OSBPL10: variants seen among roughly 807,000 people sequenced by gnomAD.
The protein encoded by OSBPL10 is oxysterol-binding protein-related protein 10.
OSBPL10 carries 49 observed loss-of-function variants against 81.7 expected under a neutral mutation model. The ratio of observed to expected loss-of-function variants is 0.60; its 90% CI spans 0.48 to 0.76. The LOEUF (loss-of-function observed/expected upper bound fraction) is 0.76. Ranked by LOEUF, OSBPL10 falls within the 30% of genes least tolerant of loss-of-function variation. The pLI is 0.00. For missense variants in OSBPL10, 923 were observed against 987.8 expected (o/e 0.93, Z 0.88); for synonymous variants, 419 against 383.6 (o/e 1.09, Z -1.08).
rs574946776 is a variant in OSBPL10, at chr3:31,836,993, G to A, written c.538-6762C>T. On this transcript the variant is annotated intron_variant, in intron 3 of 11. Transcript: ENST00000396556. ...TCCTTTTATAGATCTAAAGTCTACAGCTCCCAAAAGGTAAATGAATCATTC... is the reference window on the plus strand; with the variant it reads ...TCCTTTTATAGATCTAAAGTCTACAACTCCCAAAAGGTAAATGAATCATTC... 3.3e-5 allele frequency among the ~76,000 whole-genome samples: 5 copies of A among 152,114 alleles called. No individual in the cohort carries two copies. In the East Asian group the frequency reaches 9.7e-4, roughly 29 times the overall value.
chr3:31,751,550 T>C (rs535207435), intron 4 of OSBPL10, among the ~76,000 whole-genome samples: 2 of 152,310 alleles, frequency 1.3e-5, no homozygotes, highest in Admixed American at 6.5e-5. Context: ...GAGTGCTAAA[T>C]GTCTCTTGAA....
At chr3:31,758,635 T>C (rs1028981090) in intron 4 of OSBPL10, among the ~76,000 whole-genome samples, 2 of 152,214 alleles carry the variant, frequency 1.3e-5, no homozygotes, top group Non-Finnish European at 2.9e-5. Context: ...ATGGAGGATG[T>C]GCAGTGAGGG....
At chr3:31,989,895 C>T (rs1355285683) in intron 2 of OSBPL10, 3 of 1,614,148 alleles carry the variant, frequency 1.9e-6, no homozygotes, top group South Asian at 2.2e-5. Flanking sequence ...AGAAGCGATA[C>T]CTTGCATGCC....
intron 4 of OSBPL10, among the ~76,000 whole-genome samples, chr3:31,812,786 GAAAGAAAGAAAGAAAGAA>G (rs1699731448): frequency 2.2e-5 from 1 of 45,210 alleles, no homozygotes; most frequent in African/African-American, 1.0e-4. Context: ...AAGAAAGAAA[GAAAGAAAGAAAGAAAGAA>G]AGAAAGAAAG....
At chr3:31,746,920 C>T (rs1362534536) in intron 5 of OSBPL10, among the ~76,000 whole-genome samples, 1 of 152,050 alleles carries the variant, frequency 6.6e-6, no homozygotes, top group Non-Finnish European at 1.5e-5. Flanking sequence ...CACATGTATA[C>T]ATATGTAGCA....
intron 1 of OSBPL10, among the ~76,000 whole-genome samples, chr3:31,897,285 G>A (rs1209279970): frequency 2.0e-5 from 3 of 151,984 alleles, no homozygotes; most frequent in African/African-American, 7.3e-5. Context: ...GCACTCACAG[G>A]ACTGGTAGAA....
At chr3:31,918,198 G>A (rs1696810898) in intron 1 of OSBPL10, among the ~76,000 whole-genome samples, 1 of 152,018 alleles carries the variant, frequency 6.6e-6, no homozygotes, top group Non-Finnish European at 1.5e-5. Context: ...TAACCTTTAT[G>A]CCAGTATTTT....
At chr3:31,726,722 A>G (rs1490738314) in intron 6 of OSBPL10, among the ~76,000 whole-genome samples, 1 of 150,706 alleles carries the variant, frequency 6.6e-6, no homozygotes, top group Non-Finnish European at 1.5e-5. Flanking sequence ...AGTGACAAGC[A>G]TAAGGATAAA....
rs142840420 is a variant in OSBPL10 at position 31,907,619 on chromosome 3, C to CAAAAAAAAA, written c.282-27798_282-27790dup. 5.9e-4 allele frequency among the ~76,000 whole-genome samples: 38 copies of CAAAAAAAAA among 63,870 alleles called. 3 individuals carry two copies. The highest frequency in any genetic ancestry group is 1.5e-3 in the African/African-American group (21 of 14,444). The allele number at this position is 63,870 out of a possible 152,430, so 41.9% of individuals were successfully genotyped here. On this transcript the variant is annotated intron_variant, in intron 1 of 11. Coordinates refer to ENST00000396556, the MANE Select transcript of OSBPL10 (RefSeq NM_017784.5). ...TCCAGCCTGGGTGAGACCTCCATCTCAAAAAAAAAAAAAAAAAAAAAAAAA... is the reference window on the plus strand; with the variant it reads ...TCCAGCCTGGGTGAGACCTCCATCTCAAAAAAAAAAAAAAAAAAAAAAAAAAAAAAAAAA...
At chr3:31,830,373 C>T (rs1700210960) in intron 3 of OSBPL10, 142 bp from the exon 4 acceptor site, 9 of 804,216 alleles carry the variant, frequency 1.1e-5, no homozygotes, top group Non-Finnish European at 1.7e-5. Flanking sequence ...TATAACAACA[C>T]TGCATGCCCA....
intron 4 of OSBPL10, among the ~76,000 whole-genome samples, chr3:31,808,651 T>C (rs1699582700): frequency 6.6e-6 from 1 of 152,164 alleles, no homozygotes; most frequent in African/African-American, 2.4e-5. Context: ...AGAAAGAAAA[T>C]AGAATAATTA....
chr3:31,971,120 C>CG (rs1328766166), intron 1 of OSBPL10, among the ~76,000 whole-genome samples: 3 of 135,864 alleles, frequency 2.2e-5, no homozygotes, highest in East Asian at 3.0e-4. Flanking sequence ...TTTTTTTTTT[C>CG]TGTTTTTTTT....
intron 5 of OSBPL10, among the ~76,000 whole-genome samples, chr3:31,736,014 CT>C (rs1559440487): frequency 1.3e-5 from 2 of 151,986 alleles, no homozygotes; most frequent in African/African-American, 4.8e-5. Flanking sequence ...AGACAGAAAA[CT>C]TTAAGAAGAG....
chr3:31,876,236 G>C (rs992489840), intron 3 of OSBPL10, among the ~76,000 whole-genome samples, 197 bp downstream of exon 3: 1 of 152,176 alleles, frequency 6.6e-6, no homozygotes, highest in African/African-American at 2.4e-5. Context: ...CTGCGTGCCT[G>C]CGTATTCTAC....
chr3:31,905,916 C>A (rs761245048), intron 1 of OSBPL10, among the ~76,000 whole-genome samples: 8 of 149,616 alleles, frequency 5.3e-5, no homozygotes, highest in Non-Finnish European at 1.0e-4. Context: ...AAAGTGTGTT[C>A]TCCTCAGATG....
chr3:32,005,955 GT>G, intron 2 of OSBPL10, among the ~76,000 whole-genome samples: 1 of 150,842 alleles, frequency 6.6e-6, no homozygotes, highest in Non-Finnish European at 1.5e-5. Flanking sequence ...ATTTTATTTT[GT>G]TTTTTTGAGA....
At chr3:31,713,323 G>A (rs1696326541) in intron 6 of OSBPL10, among the ~76,000 whole-genome samples, 1 of 152,102 alleles carries the variant, frequency 6.6e-6, no homozygotes, top group South Asian at 2.1e-4. Flanking sequence ...CAGGGCCTTT[G>A]CACCTGCTCT....
At chr3:31,955,678 C>T (rs1697988045) in intron 1 of OSBPL10, among the ~76,000 whole-genome samples, 1 of 152,224 alleles carries the variant, frequency 6.6e-6, no homozygotes, top group South Asian at 2.1e-4. Context: ...CATCTCCATG[C>T]ACATGCTCTT....
intron 9 of OSBPL10, 29 bp from the exon 10 acceptor site, chr3:31,668,853 C>T: frequency 6.6e-7 from 1 of 1,505,486 alleles, no homozygotes; most frequent in Admixed American, 2.0e-5. Context: ...TGAGTACACA[C>T]TTTTCAAAAT....
Sources: gnomAD v4.1 joint callset for allele counts (sites outside exome capture counted in the v4.1 genomes callset) on GRCh38, gnomAD v4.1.1 for gene constraint, MANE v1.5 for transcripts, NCBI Gene and HGNC (gene_info 2026-07-23, HGNC 2026-07-21) for gene names.